ASPM: variants seen among roughly 807,000 people sequenced by gnomAD.
The protein encoded by ASPM is abnormal spindle-like microcephaly-associated protein.
A neutral mutation model predicts 366.4 loss-of-function variants in ASPM; 256 were observed. That is an observed-to-expected ratio of 0.70 (90% CI 0.63 to 0.77). The LOEUF (loss-of-function observed/expected upper bound fraction) is 0.77, where lower values mean the gene tolerates loss of function less well. ASPM is among the 30% of genes least tolerant of loss of function. The pLI is 0.00. For missense variants in ASPM, 4,146 were observed against 4,090.4 expected (o/e 1.01, Z -0.37); for synonymous variants, 1,414 against 1,342.9 (o/e 1.05, Z -1.16).
chr1:197,098,858 A>T (rs1657065109), intron 18 of ASPM, among the ~76,000 whole-genome samples: 1 of 151,476 alleles, frequency 6.6e-6, no homozygotes, highest in South Asian at 2.1e-4. Context: ...TAATACTCAC[A>T]CTACTCTCCT....
At chr1:197,137,250 A>C (rs1301815077) in intron 4 of ASPM, among the ~76,000 whole-genome samples, 6 of 152,226 alleles carry the variant, frequency 3.9e-5, no homozygotes, top group African/African-American at 1.4e-4. Context: ...TAATTTATGC[A>C]TATAGCATAG....
chr1:197,088,980 G>T (rs1057235715), intron 25 of ASPM, among the ~76,000 whole-genome samples: 2 of 150,358 alleles, frequency 1.3e-5, no homozygotes, highest in Non-Finnish European at 3.0e-5. Flanking sequence ...AATTTGCATG[G>T]TAACAAATAA....
At position 197,103,378 on chromosome 1, in the gene ASPM, C is replaced by T. The variant is rs1326762158; in HGVS notation, c.5873G>A (p.Trp1958Ter). 6.2e-7 allele frequency: 1 copy of T among 1,613,102 alleles called. No individual in the cohort carries two copies. The highest frequency in any genetic ancestry group is 1.7e-5 in the Admixed American group (1 of 59,866). ...RHAVLVLQSM[W>*]KGKTLRRQLQ... is the part of the protein sequence containing the mutation. ...CTGTCTTCTCAGTGTTTTTCCCTTC[C>T]ACATAGATTGAAGCACCAGTACCGC... Residue 1958 changes from tryptophan (W) to a stop codon, truncating the protein, a stop_gained, in exon 18 of 28, where the codon TGG (tryptophan) becomes TAG (stop). Coordinates refer to ENST00000367409, the MANE Select transcript of ASPM (RefSeq NM_018136.5). LOFTEE classifies it high-confidence loss of function.
In ASPM at chr1:197,122,656, T is replaced by C. The variant is rs367802591; in HGVS notation, c.3391-61A>G. On this transcript the variant is annotated intron_variant, in intron 13 of 27. Transcript: ENST00000367409. ...TTAGAAAGTAGTATAGACATAATGG[T>C]TTGCAGAATACCTGTGAATAATAAA... The C allele has an allele frequency of 3.3e-5, 47 of 1,431,358 alleles. No homozygotes were observed. The East Asian group carries it at 1.1e-3, about 35-fold the overall frequency. 88.7% of individuals were successfully genotyped at this position (1,431,358 alleles called of 1,614,324 possible). A position where few individuals can be genotyped will look rare whatever the true frequency, so the allele number is the denominator to read the frequency against.
In ASPM at chr1:197,102,221, TAG is replaced by T; in HGVS notation, c.7028_7029del (p.Ser2343TyrfsTer29). The T allele has an allele frequency of 1.1e-5, 18 of 1,612,832 alleles. No homozygotes were observed. The highest frequency in any genetic ancestry group is 1.5e-5 in the Non-Finnish European group (18 of 1,179,292). ...ATATGTAATCTGTGCATTCTGAAAGTAGACTGGATGAAAGTAGCAGCCCTGTG... is the reference window on the plus strand; with the variant it reads ...ATATGTAATCTGTGCATTCTGAAAGTACTGGATGAAAGTAGCAGCCCTGTG... ...EMHRAATFIQ[S>X]TFRMHRLHMR... On this transcript the variant is annotated frameshift_variant, in exon 18 of 28. Transcript: ENST00000367409. LOFTEE classifies it high-confidence loss of function.
chr1:197,136,117 A>C (rs988700486), intron 4 of ASPM, among the ~76,000 whole-genome samples: 10 of 152,222 alleles, frequency 6.6e-5, no homozygotes, highest in African/African-American at 2.4e-4. Context: ...GAAACCTGTC[A>C]ATTGAGAAAC....
intron 17 of ASPM, among the ~76,000 whole-genome samples, chr1:197,109,414 T>C (rs780656319): frequency 5.3e-5 from 8 of 152,128 alleles, no homozygotes; most frequent in South Asian, 2.1e-4. Flanking sequence ...AATATATCCA[T>C]TGAAGCAGAA....
In ASPM at chr1:197,088,381, G is replaced by C. The variant is rs1384008023; in HGVS notation, c.10036C>G (p.Leu3346Val). The change falls in exon 26 of 28, where the codon CTA (leucine) becomes GTA (valine). Residue 3346 changes from leucine (L) to valine (V), a missense_variant. Around this residue, in one of 3 missense-constraint regions of ASPM, gnomAD observed 3,624 missense variants for 3,591.7 expected, o/e 1.01. Transcript: ENST00000367409. ...CGGTATATCTGCAAAAGCTCCAATA[G>C]TATATCTATACAATTTTCTACATCA... ...VYDVENCIDI[L>V]LELLQIYREK... 6.2e-7 allele frequency: 1 copy of C among 1,610,812 alleles called. No individual in the cohort carries two copies. The highest frequency in any genetic ancestry group is 1.3e-5 in the African/African-American group (1 of 74,906).
Position 197,088,360 on chromosome 1 carries a change from A to G in ASPM, c.10057T>C (p.Tyr3353His), listed in dbSNP as rs141240137. 3.4e-5 allele frequency: 55 copies of G among 1,612,562 alleles called. No homozygotes were observed. Among genetic ancestry groups the G allele is most frequent in the Admixed American group, 6.7e-5 (4 of 59,974 alleles). Residue 3353 changes from tyrosine (Y) to histidine (H), a missense_variant, in exon 26 of 28, where the codon TAC becomes CAC. Around this residue, in one of 3 missense-constraint regions of ASPM, gnomAD observed 3,624 missense variants for 3,591.7 expected, o/e 1.01. Transcript: ENST00000367409. ...IDILLELLQIYREKPGNKVAD... is the reference protein window; with the variant it reads ...IDILLELLQIHREKPGNKVAD... ...ACTTTATTACCAGGCTTTTCTCGGT[A>G]TATCTGCAAAAGCTCCAATAGTATA...
intron 1 of ASPM, 150 bp downstream of exon 1, chr1:197,145,991 C>A (rs548947541): frequency 4.1e-5 from 41 of 988,514 alleles, no homozygotes; most frequent in Admixed American, 8.5e-5. Flanking sequence ...CAAGAGCCAC[C>A]CACAGTTATT....
Position 197,122,390 on chromosome 1 carries a change from T to C in ASPM, c.3596A>G (p.His1199Arg), listed in dbSNP as rs1303084241. The C allele has an allele frequency of 2.5e-6, 4 of 1,613,726 alleles. No homozygotes were observed. The highest frequency in any genetic ancestry group is 1.7e-5 in the Admixed American group (1 of 59,966). Residue 1199 changes from histidine to arginine, a missense_variant and splice_region_variant, in exon 14 of 28, where the codon CAT (histidine) becomes CGT (arginine). Transcript: ENST00000367409. ...SLDMSLKAFD[H>R]ENTSELYKEL... ...AAAAGTAACCAAAAGGGACTAACCA[T>C]GATCAAATGCTTTAAGAGACATATC...
At chr1:197,125,021 A>C (rs1557957132) in intron 11 of ASPM, 25 bp downstream of exon 11, 2 of 1,612,642 alleles carry the variant, frequency 1.2e-6, no homozygotes, top group Non-Finnish European at 8.5e-7. Context: ...GAGGAGAATA[A>C]GTTTTACCTC....
intron 4 of ASPM, chr1:197,138,624 A>ACAG (rs1658488360): frequency 4.3e-6 from 2 of 467,230 alleles, no homozygotes. Flanking sequence ...GTTAGGGAAA[A>ACAG]TATACAATAA....
intron 13 of ASPM, 55 bp downstream of exon 13, chr1:197,124,055 T>G: frequency 6.9e-7 from 1 of 1,459,402 alleles, no homozygotes; most frequent in Non-Finnish European, 9.5e-7. Context: ...TTAAGTGACT[T>G]TCATCAAAAT....
chr1:197,107,900 A>G (rs1474552605), intron 17 of ASPM, among the ~76,000 whole-genome samples: 1 of 152,150 alleles, frequency 6.6e-6, no homozygotes, highest in African/African-American at 2.4e-5. Context: ...CAGCTCCCAA[A>G]TAATACATAA....
At chr1:197,137,174 CA>C (rs1658443544) in intron 4 of ASPM, among the ~76,000 whole-genome samples, 1 of 152,132 alleles carries the variant, frequency 6.6e-6, no homozygotes, top group Non-Finnish European at 1.5e-5. Flanking sequence ...ATATAACTCA[CA>C]AACATGTTCA....
Position 197,143,288 on chromosome 1 carries a change from C to T in ASPM, c.964G>A (p.Val322Ile). Residue 322 changes from valine to isoleucine, a missense_variant, in exon 3 of 28, where the codon GTA (valine) becomes ATA (isoleucine). By Grantham distance (29) the Val-to-Ile change is conservative (BLOSUM62 3). Around this residue, in one of 3 missense-constraint regions of ASPM, gnomAD observed 512 missense variants for 471.7 expected, o/e 1.09. Transcript: ENST00000367409. The part of the protein sequence containing the change: ...QIHFLSPDSF[V>I]NNSHGANNEL... ...TTATTAGCTCCATGACTATTATTTA[C>T]AAAAGAATCTGGACTTAGAAAATGT... 1 of 1,613,486 alleles carries T rather than the reference C, an allele frequency of 6.2e-7. No individual in the cohort carries two copies. Among genetic ancestry groups the T allele is most frequent in the Non-Finnish European group, 8.5e-7 (1 of 1,179,590 alleles).
chr1:197,090,187 C>T lies in ASPM; in HGVS notation c.9829+9G>A. 6.2e-7 allele frequency: 1 copy of T among 1,613,072 alleles called. No individual in the cohort carries two copies. Among genetic ancestry groups the T allele is most frequent in the Non-Finnish European group, 8.5e-7 (1 of 1,179,388 alleles). Reference sequence around the variant, plus strand: ...ACATCATTCTTTAAACATGTTAACACAAACTAACCTAGGTGTTTTAAGGCC... The same window carrying T: ...ACATCATTCTTTAAACATGTTAACATAAACTAACCTAGGTGTTTTAAGGCC... On this transcript the variant is annotated intron_variant, in intron 24 of 27. Transcript: ENST00000367409.
chr1:197,120,794 A>G (rs1018048721), intron 16 of ASPM, among the ~76,000 whole-genome samples: 4 of 152,136 alleles, frequency 2.6e-5, no homozygotes, highest in South Asian at 2.1e-4. Flanking sequence ...GCAGGGAGGC[A>G]GATCCTGAGT....
Sources: allele counts gnomAD v4.1 joint callset (sites outside exome capture counted in the v4.1 genomes callset), GRCh38; gene constraint gnomAD v4.1.1; regional missense constraint gnomAD v4.1.1; transcripts MANE v1.5; gene names NCBI Gene and HGNC (gene_info 2026-07-23, HGNC 2026-07-21).